APBA1: variants seen among roughly 807,000 people sequenced by gnomAD.
APBA1 encodes the protein amyloid-beta A4 precursor protein-binding family A member 1.
A neutral mutation model predicts 86.6 loss-of-function variants in APBA1; 55 were observed. The observed-to-expected ratio is 0.64, with a 90% CI of 0.51 to 0.80. APBA1 has a LOEUF of 0.80. Among genes scored for constraint, APBA1 ranks in the 30% least tolerant of loss-of-function variants. The pLI is 0.00. For synonymous variants in APBA1, 511 were observed against 493.9 expected, an observed-to-expected ratio of 1.03 and a Z score of -0.46; for missense variants, 1,090 against 1,183.0, an observed-to-expected ratio of 0.92 and a Z score of 1.15.
At chr9:69,463,434 T>C (rs1835224118) in intron 5 of APBA1, 1 of 152,242 alleles carries the variant, frequency 6.6e-6, no homozygotes, top group Admixed American at 6.5e-5. Context: ...AGGAATCTTG[T>C]AAATTTTTTG....
chr9:69,432,695 G>T lies in APBA1; in HGVS notation c.2302-19C>A, dbSNP rs369333726. ...TGCAGATCTGCCAGAGTCAAAGGCAGAGTTACCCTCATTGCAGACAGTGCG... is the reference window on the plus strand; with the variant it reads ...TGCAGATCTGCCAGAGTCAAAGGCATAGTTACCCTCATTGCAGACAGTGCG... On this transcript the variant is annotated intron_variant, in intron 11 of 12. Transcript: ENST00000265381. The T allele has an allele frequency of 9.7e-6, 15 of 1,540,572 alleles. No individual in the cohort carries two copies. The highest frequency in any genetic ancestry group is 1.7e-4 in the Middle Eastern group (1 of 5,782).
At chr9:69,495,866 T>C (rs1466462366) in intron 2 of APBA1, among the ~76,000 whole-genome samples, 1 of 152,034 alleles carries the variant, frequency 6.6e-6, no homozygotes, top group Non-Finnish European at 1.5e-5. Flanking sequence ...TGGAGGACAC[T>C]GAGGCCAGCT....
intron 1 of APBA1, among the ~76,000 whole-genome samples, chr9:69,595,408 T>C (rs145595311): frequency 6.6e-6 from 1 of 152,282 alleles, no homozygotes; most frequent in East Asian, 1.9e-4. Context: ...TTGTAGTTAA[T>C]AGAATGGCAC....
chr9:69,591,528 T>C lies in APBA1; in HGVS notation c.-69-74249A>G, dbSNP rs983091899. 2.6e-5 allele frequency among the ~76,000 whole-genome samples: 4 copies of C among 152,194 alleles called. No individual in the cohort carries two copies. In the East Asian group the frequency reaches 7.7e-4, roughly 29 times the overall value. ...AAAGACAGTTGTTAAGTTAAAGACA[T>C]TGAAAATGCAGGGTAACACTCTGCC... On this transcript the variant is annotated intron_variant, in intron 1 of 12. Coordinates refer to ENST00000265381, the MANE Select transcript of APBA1 (RefSeq NM_001163.4).
At chr9:69,618,302 C>A (rs942568367) in intron 1 of APBA1, among the ~76,000 whole-genome samples, 1 of 152,200 alleles carries the variant, frequency 6.6e-6, no homozygotes, top group African/African-American at 2.4e-5. Context: ...ACACCAGTGA[C>A]TTTTCTAGGA....
intron 1 of APBA1, among the ~76,000 whole-genome samples, chr9:69,587,384 A>T (rs955641654): frequency 1.3e-5 from 2 of 152,184 alleles, no homozygotes; most frequent in African/African-American, 4.8e-5. Flanking sequence ...AATGTGGCCA[A>T]ACTGAAAGAG....
In APBA1 at chr9:69,457,159, C is replaced by G. The variant is rs374538141; in HGVS notation, c.1516-20G>C. Reference sequence around the variant, plus strand: ...AGGAGCCTGAGAAGAAAAAATGCACCAAGAGAAAGTTTGACCACACTACCC... The same window carrying G: ...AGGAGCCTGAGAAGAAAAAATGCACGAAGAGAAAGTTTGACCACACTACCC... On this transcript the variant is annotated intron_variant, in intron 6 of 12. Transcript: ENST00000265381. 29 of 1,605,898 alleles carry G rather than the reference C, an allele frequency of 1.8e-5. No individual in the cohort carries two copies. Among genetic ancestry groups the G allele is most frequent in the African/African-American group, 4.0e-5 (3 of 74,714 alleles).
chr9:69,499,152 CT>C (rs1430017108), intron 2 of APBA1, among the ~76,000 whole-genome samples: 1 of 152,132 alleles, frequency 6.6e-6, no homozygotes, highest in East Asian at 1.9e-4. Context: ...AGAGCCAACA[CT>C]GGAATGTATA....
At chr9:69,607,431 T>C (rs921861257) in intron 1 of APBA1, among the ~76,000 whole-genome samples, 1 of 152,132 alleles carries the variant, frequency 6.6e-6, no homozygotes, top group African/African-American at 2.4e-5. Flanking sequence ...ACATGGGAAT[T>C]ATGCGAACTA....
At chr9:69,602,838 C>T (rs1313740792) in intron 1 of APBA1, among the ~76,000 whole-genome samples, 2 of 152,072 alleles carry the variant, frequency 1.3e-5, no homozygotes, top group African/African-American at 2.4e-5. Context: ...AAAAACATTA[C>T]ATATTTAGAA....
chr9:69,595,890 G>T (rs1822217655), intron 1 of APBA1, among the ~76,000 whole-genome samples: 1 of 152,166 alleles, frequency 6.6e-6, no homozygotes, highest in African/African-American at 2.4e-5. Context: ...GATCAGTGAT[G>T]CTTCAGAGGG....
At chr9:69,433,503 C>G (rs1017749710) in intron 11 of APBA1, among the ~76,000 whole-genome samples, 1 of 152,192 alleles carries the variant, frequency 6.6e-6, no homozygotes, top group Non-Finnish European at 1.5e-5. Flanking sequence ...AGTCTGGGGT[C>G]AAAACATTCC....
At chr9:69,446,717 G>A (rs1834914738) in intron 10 of APBA1, among the ~76,000 whole-genome samples, 3 of 152,176 alleles carry the variant, frequency 2.0e-5, no homozygotes. Context: ...GCCAGCTGGG[G>A]GCCCTGGGCA....
chr9:69,458,010 CTGGCTTA>C, intron 6 of APBA1, 139 bp downstream of exon 6: 1 of 765,700 alleles, frequency 1.3e-6, no homozygotes, highest in Non-Finnish European at 2.0e-6. Flanking sequence ...TTGAGAAACG[CTGGCTTA>C]TGGGGCGGTT....
At chr9:69,569,957 G>T (rs763703785) in intron 1 of APBA1, among the ~76,000 whole-genome samples, 1 of 152,126 alleles carries the variant, frequency 6.6e-6, no homozygotes, top group African/African-American at 2.4e-5. Context: ...CCCATGCCAG[G>T]TAGGTCAGAA....
chr9:69,564,822 T>C (rs1016606924), intron 1 of APBA1, among the ~76,000 whole-genome samples: 2 of 152,204 alleles, frequency 1.3e-5, no homozygotes, highest in Non-Finnish European at 1.5e-5. Flanking sequence ...TTCCAGCATG[T>C]ACCCAAAAGA....
chr9:69,593,222 T>C (rs1338458970), intron 1 of APBA1, among the ~76,000 whole-genome samples: 1 of 151,994 alleles, frequency 6.6e-6, no homozygotes, highest in African/African-American at 2.4e-5. Context: ...ATTTCTTTCT[T>C]CTTATCAGAA....
intron 1 of APBA1, among the ~76,000 whole-genome samples, chr9:69,638,442 T>C (rs1348266821): frequency 6.6e-6 from 1 of 152,168 alleles, no homozygotes; most frequent in East Asian, 1.9e-4. Flanking sequence ...GGTTTCACCA[T>C]GTTGGCCAGG....
At chr9:69,449,840 C>CT in intron 9 of APBA1, 44 bp from the exon 10 acceptor site, 1 of 1,556,744 alleles carries the variant, frequency 6.4e-7, no homozygotes, top group East Asian at 2.3e-5. Context: ...CAGTGACCAT[C>CT]TGGGGTAGGT....
Sources: gnomAD v4.1 joint callset for allele counts (sites outside exome capture counted in the v4.1 genomes callset) on GRCh38, gnomAD v4.1.1 for gene constraint, MANE v1.5 for transcripts, NCBI Gene and HGNC (gene_info 2026-07-23, HGNC 2026-07-21) for gene names.